CDH13: variants seen among roughly 807,000 people sequenced by gnomAD.
CDH13 encodes the protein cadherin 13.
CDH13 carries 24 observed loss-of-function variants against 63.8 expected under a neutral mutation model. The ratio of observed to expected loss-of-function variants is 0.38; its 90% confidence interval spans 0.27 to 0.53. The LOEUF (loss-of-function observed/expected upper bound fraction) is 0.53, where lower values mean the gene tolerates loss of function less well. Among genes scored for constraint, CDH13 ranks in the 20% least tolerant of loss-of-function variants. The pLI is 0.85. For synonymous variants in CDH13, 503 were observed against 355.3 expected (o/e 1.42, Z -4.67); for missense variants, 1,049 against 903.1 (o/e 1.16, Z -2.07).
At chr16:83,741,537 T>C (rs764910887) in intron 10 of CDH13, among the ~76,000 whole-genome samples, 3 of 152,078 alleles carry the variant, frequency 2.0e-5, no homozygotes, top group Non-Finnish European at 4.4e-5. Flanking sequence ...TGTATATATA[T>C]GCCATATATA....
chr16:83,579,330 C>T (rs66529418), intron 7 of CDH13, among the ~76,000 whole-genome samples: 55,131 of 151,992 alleles, frequency 0.36, 10,556 homozygotes, highest in East Asian at 0.51. Context: ...TGAGACTGGG[C>T]AATATATAAA....
chr16:83,304,838 C>G (rs1362662058), intron 5 of CDH13, among the ~76,000 whole-genome samples: 2 of 152,122 alleles, frequency 1.3e-5, no homozygotes, highest in Non-Finnish European at 2.9e-5. Flanking sequence ...CAAACTCTCT[C>G]CCTCTCTCCC....
chr16:83,515,007 C>G (rs1253356123), intron 7 of CDH13, among the ~76,000 whole-genome samples: 1 of 152,166 alleles, frequency 6.6e-6, no homozygotes, highest in Non-Finnish European at 1.5e-5. Flanking sequence ...ATGTCTTACC[C>G]AGGTGCACAC....
In CDH13 at chr16:83,602,548, T is replaced by G. The variant is rs1310198952; in HGVS notation, c.1055T>G (p.Met352Arg). The change falls in exon 8 of 14, where the codon ATG becomes AGG. Residue 352 changes from methionine to arginine, a missense_variant. Physicochemically the swap from Met to Arg is moderately conservative, Grantham distance 91 (BLOSUM62 -1). Coordinates refer to ENST00000567109, the MANE Select transcript of CDH13 (RefSeq NM_001257.5). ...GLTGTATATI[M>R]IDDKNDHSPK... ...ACAGGCACGGCCACAGCCACGATCATGATCGATGACAAAAATGATCACTCA... is the reference window on the plus strand; with the variant it reads ...ACAGGCACGGCCACAGCCACGATCAGGATCGATGACAAAAATGATCACTCA... 6.2e-7 allele frequency: 1 copy of G among 1,613,918 alleles called. No individual in the cohort carries two copies. The highest frequency in any genetic ancestry group is 1.7e-5 in the Admixed American group (1 of 60,006).
intron 4 of CDH13, among the ~76,000 whole-genome samples, chr16:83,213,767 T>C (rs1555513450): frequency 6.6e-6 from 1 of 152,148 alleles, no homozygotes; most frequent in Non-Finnish European, 1.5e-5. Context: ...CAGCTGGACT[T>C]CCTGGGTGGA....
intron 2 of CDH13, among the ~76,000 whole-genome samples, chr16:82,992,949 C>A (rs1011164678): frequency 5.3e-5 from 8 of 152,082 alleles, no homozygotes; most frequent in Non-Finnish European, 8.8e-5. Context: ...CTGAGACCAC[C>A]CCACGTGTCC....
At chr16:82,638,363 C>G in intron 1 of CDH13, among the ~76,000 whole-genome samples, 1 of 152,232 alleles carries the variant, frequency 6.6e-6, no homozygotes, top group East Asian at 1.9e-4. Context: ...CATTTACACA[C>G]TGTGTTGCCT....
intron 2 of CDH13, among the ~76,000 whole-genome samples, chr16:82,907,505 T>G (rs1159040862): frequency 1.3e-5 from 2 of 152,216 alleles, no homozygotes; most frequent in Admixed American, 6.5e-5. Context: ...GTCCATTCAT[T>G]TCTGCATTAC....
chr16:82,876,169 G>A (rs575479910), intron 2 of CDH13, among the ~76,000 whole-genome samples: 3 of 152,298 alleles, frequency 2.0e-5, no homozygotes, highest in Non-Finnish European at 4.4e-5. Context: ...AATTCAAGAT[G>A]AGATTTGGGT....
intron 1 of CDH13, among the ~76,000 whole-genome samples, chr16:82,681,901 G>C (rs781002534): frequency 2.6e-5 from 4 of 152,212 alleles, no homozygotes; most frequent in African/African-American, 9.6e-5. Flanking sequence ...GCCCCAGCCC[G>C]GTTGAGCTCC....
At chr16:83,112,465 G>A (rs1162917008) in intron 3 of CDH13, among the ~76,000 whole-genome samples, 1 of 152,212 alleles carries the variant, frequency 6.6e-6, no homozygotes, top group Non-Finnish European at 1.5e-5. Context: ...TACACAGGTG[G>A]TATTTTTCTA....
intron 2 of CDH13, among the ~76,000 whole-genome samples, chr16:82,944,898 C>A (rs1904526679): frequency 6.6e-6 from 1 of 151,884 alleles, no homozygotes; most frequent in Non-Finnish European, 1.5e-5. Context: ...AAATAACACT[C>A]AATAAAGTAG....
Position 82,934,506 on chromosome 16 carries a change from C to T in CDH13, c.157+76033C>T, listed in dbSNP as rs569757000. Among the ~76,000 whole-genome samples, 8 of 152,320 alleles carry T rather than the reference C, an allele frequency of 5.3e-5. No individual in the cohort carries two copies. The East Asian group carries it at 1.4e-3, about 26-fold the overall frequency. On this transcript the variant is annotated intron_variant, in intron 2 of 13. Transcript: ENST00000567109. ...ACATGCCCTGCAATTTCCCCATTGTCTTGGTGATTAACATTTAGCTCCTTG... is the reference window on the plus strand; with the variant it reads ...ACATGCCCTGCAATTTCCCCATTGTTTTGGTGATTAACATTTAGCTCCTTG...
intron 4 of CDH13, among the ~76,000 whole-genome samples, chr16:83,143,930 A>C (rs1414171227): frequency 6.6e-6 from 1 of 152,060 alleles, no homozygotes; most frequent in Non-Finnish European, 1.5e-5. Context: ...GTGGTCTAGA[A>C]TCAACATAGT....
intron 2 of CDH13, among the ~76,000 whole-genome samples, chr16:83,003,301 C>G (rs1913132543): frequency 1.3e-5 from 2 of 152,056 alleles, no homozygotes; most frequent in African/African-American, 4.8e-5. Flanking sequence ...ATTGCCATCT[C>G]TCATGGTGTC....
At chr16:83,707,297 T>A (rs1317164623) in intron 10 of CDH13, among the ~76,000 whole-genome samples, 3 of 152,200 alleles carry the variant, frequency 2.0e-5, no homozygotes, top group Non-Finnish European at 4.4e-5. Context: ...GGAAGTAATC[T>A]CTTTCTCCTT....
intron 1 of CDH13, among the ~76,000 whole-genome samples, chr16:82,791,036 G>T (rs2036271680): frequency 6.6e-6 from 1 of 152,142 alleles, no homozygotes; most frequent in Non-Finnish European, 1.5e-5. Flanking sequence ...AGGAGATCGA[G>T]ACCATCCTGG....
At chr16:83,782,258 C>G (rs1597224540) in intron 12 of CDH13, among the ~76,000 whole-genome samples, 1 of 152,096 alleles carries the variant, frequency 6.6e-6, no homozygotes. Flanking sequence ...GTGACTTTAT[C>G]TCAAGGCTAA....
intron 11 of CDH13, among the ~76,000 whole-genome samples, chr16:83,777,654 A>T (rs1478915205): frequency 2.0e-5 from 3 of 152,266 alleles, no homozygotes; most frequent in Middle Eastern, 3.4e-3. Context: ...GCCTGCTTCT[A>T]CTGTCTAAGT....
Sources: allele counts gnomAD v4.1 joint callset (sites outside exome capture counted in the v4.1 genomes callset), GRCh38; gene constraint gnomAD v4.1.1; transcripts MANE v1.5; gene names NCBI Gene and HGNC (gene_info 2026-07-23, HGNC 2026-07-21).